The following ATR variants were observed in gnomAD, a reference collection of about 807,000 sequenced individuals.
The protein encoded by ATR is serine/threonine-protein kinase ATR.
ATR carries 142 observed loss-of-function variants against 305.3 expected under a neutral mutation model. The ratio of observed to expected loss-of-function variants is 0.47; its 90% confidence interval spans 0.41 to 0.53. The LOEUF (loss-of-function observed/expected upper bound fraction) is 0.53, where lower values mean the gene tolerates loss of function less well. ATR is among the 20% of genes least tolerant of loss of function. The pLI, the probability that ATR is intolerant of heterozygous loss-of-function variation, is 0.00. For missense variants in ATR, 2,135 were observed against 3,133.1 expected (o/e 0.68, Z 7.60); for synonymous variants, 1,050 against 1,068.1 (o/e 0.98, Z 0.33).
chr3:142,576,301 T>C (rs1388751476), intron 1 of ATR, among the ~76,000 whole-genome samples: 1 of 152,232 alleles, frequency 6.6e-6, no homozygotes, highest in East Asian at 1.9e-4. Context: ...TTTGGATATG[T>C]TAATTTTCAC....
In ATR at chr3:142,536,159, A is replaced by G. The variant is rs751005278; in HGVS notation, c.3768T>C (p.Pro1256=). The G allele has an allele frequency of 1.3e-6, 2 of 1,592,104 alleles. No individual in the cohort carries two copies. The highest frequency in any genetic ancestry group is 1.7e-6 in the Non-Finnish European group (2 of 1,160,498). ...QDFLHEIYFL[P]DHPELKKIKA... is the part of the protein sequence containing the mutation. ...TTATCTTTTTTAATTCTGGATGATCAGGTAAAAAATATATTTCATGAAGAA... is the reference window on the plus strand; with the variant it reads ...TTATCTTTTTTAATTCTGGATGATCGGGTAAAAAATATATTTCATGAAGAA... The change falls in exon 20 of 47, where the codon CCT becomes CCC. Residue 1256 remains proline (P), a synonymous_variant. Coordinates refer to ENST00000350721, the MANE Select transcript of ATR (RefSeq NM_001184.4).
intron 36 of ATR, among the ~76,000 whole-genome samples, chr3:142,477,550 T>G (rs1255225064): frequency 7.9e-5 from 12 of 152,174 alleles, no homozygotes; most frequent in Non-Finnish European, 1.6e-4. Context: ...GGTTTAAAAT[T>G]CTCTTTTTTT....
At chr3:142,469,756 GAGCCATTCAA>G (rs1406139567) in intron 37 of ATR, among the ~76,000 whole-genome samples, 187 bp from the exon 38 acceptor site, 1 of 152,044 alleles carries the variant, frequency 6.6e-6, no homozygotes, top group Non-Finnish European at 1.5e-5. Flanking sequence ...AAAATATTTA[GAGCCATTCAA>G]AAACCCAAGG....
At chr3:142,450,886 G>A (rs887652202) in intron 46 of ATR, 17 of 1,285,312 alleles carry the variant, frequency 1.3e-5, no homozygotes, top group African/African-American at 4.5e-5. Context: ...ATACCAATAC[G>A]GTGTTAAAAA....
chr3:142,540,326 T>G (rs1410151033), intron 18 of ATR, among the ~76,000 whole-genome samples: 10 of 152,152 alleles, frequency 6.6e-5, no homozygotes, highest in African/African-American at 2.2e-4. Flanking sequence ...TTCAAGAAAC[T>G]ATGATACATA....
chr3:142,511,740 G>C (rs529493893), intron 27 of ATR, among the ~76,000 whole-genome samples: 1 of 152,226 alleles, frequency 6.6e-6, no homozygotes, highest in Admixed American at 6.5e-5. Context: ...CGAAGTGAGA[G>C]TAAGAAGAGA....
In ATR at chr3:142,566,278, C is replaced by G. The variant is rs1429000535; in HGVS notation, c.152-17G>C. The G allele has an allele frequency of 6.2e-7, 1 of 1,612,076 alleles. No homozygotes were observed. Among genetic ancestry groups the G allele is most frequent in the Non-Finnish European group, 8.5e-7 (1 of 1,178,238 alleles). ...CTACAGCAACTAAAACAATAAGATT[C>G]ATTTTAAAGAGTCATGACAAATTAA... On this transcript the variant is annotated splice_polypyrimidine_tract_variant and intron_variant, in intron 2 of 46. Coordinates refer to ENST00000350721, the MANE Select transcript of ATR (RefSeq NM_001184.4).
intron 27 of ATR, among the ~76,000 whole-genome samples, chr3:142,510,117 A>G (rs1380491837): frequency 6.7e-6 from 1 of 150,280 alleles, no homozygotes; most frequent in Non-Finnish European, 1.5e-5. Flanking sequence ...CTGTCTCAGA[A>G]AAAAAAAAAA....
rs537031994 is a variant in ATR at position 142,535,077 on chromosome 3, T to TA, written c.3945+2dup. ...CATTTTTAATTATATCATATTAGCA[T>TA]ACCTGATTTTTATACAAGGTTTCCT... On this transcript the variant is annotated splice_region_variant and intron_variant, in intron 21 of 46. Coordinates refer to ENST00000350721, the MANE Select transcript of ATR (RefSeq NM_001184.4). 150 of 1,610,528 alleles carry TA rather than the reference T, an allele frequency of 9.3e-5. No homozygotes were observed. The highest frequency in any genetic ancestry group is 1.3e-4 in the Non-Finnish European group (148 of 1,177,416).
At chr3:142,480,276 CCTTT>C (rs2030328537) in intron 36 of ATR, among the ~76,000 whole-genome samples, 1 of 152,106 alleles carries the variant, frequency 6.6e-6, no homozygotes, top group African/African-American at 2.4e-5. Context: ...GTGTGGATGC[CCTTT>C]CTGTTTGTTA....
At chr3:142,452,700 C>G (rs779893786) in intron 46 of ATR, 3 of 1,030,402 alleles carry the variant, frequency 2.9e-6, no homozygotes, top group Admixed American at 1.0e-4. Flanking sequence ...ACCACCACCA[C>G]AACAACAACA....
At chr3:142,504,631 T>A (rs990936626) in intron 29 of ATR, among the ~76,000 whole-genome samples, 1 of 151,620 alleles carries the variant, frequency 6.6e-6, no homozygotes, top group African/African-American at 2.4e-5. Flanking sequence ...CCCAGCTAAT[T>A]TTTTGTATTT....
At chr3:142,548,584 G>A (rs181186020) in intron 15 of ATR, among the ~76,000 whole-genome samples, 53 of 151,336 alleles carry the variant, frequency 3.5e-4, no homozygotes, top group Admixed American at 1.2e-3. Context: ...CAGGAGAATC[G>A]CTTGAACCCA....
chr3:142,536,206 T>C lies in ATR; in HGVS notation c.3726-5A>G. ...AGAAAATCTTGCACAGCATCCCTAATAGTTAGTTGGAATAAAAAGAATTAT... is the reference window on the plus strand; with the variant it reads ...AGAAAATCTTGCACAGCATCCCTAACAGTTAGTTGGAATAAAAAGAATTAT... On this transcript the variant is annotated splice_region_variant and splice_polypyrimidine_tract_variant and intron_variant, in intron 19 of 46. Coordinates refer to ENST00000350721, the MANE Select transcript of ATR (RefSeq NM_001184.4). 1.3e-6 allele frequency: 2 copies of C among 1,537,960 alleles called. No individual in the cohort carries two copies. The highest frequency in any genetic ancestry group is 1.4e-5 in the African/African-American group (1 of 73,202).
At chr3:142,472,921 T>C (rs2071326580) in intron 36 of ATR, among the ~76,000 whole-genome samples, 1 of 152,200 alleles carries the variant, frequency 6.6e-6, no homozygotes. Context: ...ATTACATGCA[T>C]GAGCCACCAT....
intron 46 of ATR, chr3:142,449,900 G>A (rs770896027): frequency 2.4e-5 from 10 of 425,342 alleles, no homozygotes; most frequent in Non-Finnish European, 4.4e-5. Context: ...AATCTGCTTT[G>A]GAAGTGTTTA....
intron 21 of ATR, among the ~76,000 whole-genome samples, chr3:142,530,126 C>T (rs1020422925): frequency 1.3e-5 from 2 of 151,918 alleles, no homozygotes; most frequent in South Asian, 4.2e-4. Context: ...CTATTTTACT[C>T]CTTTATCTCA....
chr3:142,463,115 G>C (rs1454247917), intron 41 of ATR, among the ~76,000 whole-genome samples: 1 of 152,040 alleles, frequency 6.6e-6, no homozygotes, highest in African/African-American at 2.4e-5. Context: ...TCAGTGTGTG[G>C]CCTCCAAAAC....
At chr3:142,574,563 C>A (rs566150520) in intron 1 of ATR, among the ~76,000 whole-genome samples, 36 of 151,852 alleles carry the variant, frequency 2.4e-4, no homozygotes, top group Non-Finnish European at 4.7e-4. Context: ...TATAACTTTT[C>A]AAAAGCATAC....
Sources: gnomAD v4.1 joint callset for allele counts (sites outside exome capture counted in the v4.1 genomes callset) on GRCh38, gnomAD v4.1.1 for gene constraint, MANE v1.5 for transcripts, NCBI Gene and HGNC (gene_info 2026-07-23, HGNC 2026-07-21) for gene names.